Variants in CFAP65 observed in about 807,000 individuals in gnomAD.
CFAP65 encodes the protein cilia- and flagella-associated protein 65.
In CFAP65, 155 loss-of-function variants were observed where a neutral mutation model predicts 208.0. The ratio of observed to expected loss-of-function variants is 0.75; its 90% CI spans 0.65 to 0.85. The LOEUF is 0.85. CFAP65 is among the 40% of genes least tolerant of loss of function. The probability of loss-of-function intolerance (pLI) is 0.00; values close to 1 mark genes in which losing one functional copy is unlikely to be tolerated. For missense variants in CFAP65, 2,294 were observed against 2,451.3 expected (o/e 0.94, Z 1.36); for synonymous variants, 970 against 986.3 (o/e 0.98, Z 0.31).
intron 28 of CFAP65, 38 bp downstream of exon 28, chr2:219,009,309 T>C (rs757283110): frequency 2.0e-6 from 3 of 1,528,156 alleles, no homozygotes; most frequent in Non-Finnish European, 2.7e-6. Context: ...TTGGGAGCCA[T>C]GCCTCCATCC....
At chr2:219,022,053 G>T (rs998178700) in intron 17 of CFAP65, 118 bp downstream of exon 17, 6 of 1,500,340 alleles carry the variant, frequency 4.0e-6, no homozygotes, top group Non-Finnish European at 5.4e-6. Context: ...GGGGCAGAGG[G>T]CTCCTATCCT....
At chr2:219,014,736 A>ACACACCTGAGAGAAAGCGCACAACG (rs1946731922) in intron 21 of CFAP65, 6 of 150,490 alleles carry the variant, frequency 4.0e-5, no homozygotes, top group Admixed American at 6.6e-5. Context: ...AGTGCCCAAC[A>ACACACCTGAGAGAAAGCGCACAACG]CACACCTGAG....
Position 219,023,340 on chromosome 2 carries a change from G to A in CFAP65, c.2687C>T (p.Ser896Phe), listed in dbSNP as rs757574681. Residue 896 changes from serine (S) to phenylalanine (F), a missense_variant, in exon 16 of 35, where the codon TCC (serine) becomes TTC (phenylalanine). Ser to Phe is a radical substitution (Grantham distance 155, BLOSUM62 -2). Around this residue, in one of 2 missense-constraint regions of CFAP65, gnomAD observed 1,427 missense variants for 1,438.7 expected, o/e 0.99. Coordinates refer to ENST00000341552, the MANE Select transcript of CFAP65 (RefSeq NM_194302.4). ...GCGGAAGGTGAAGGGGCTGGTGGAG[G>A]AGCAGCCCACCCAGGTGGGCTTGAA... Reference protein sequence around the residue: ...LYFKPTWVGCSSTSPFTFRNP... With the variant: ...LYFKPTWVGCFSTSPFTFRNP... 3.1e-6 allele frequency: 5 copies of A among 1,611,020 alleles called. No individual in the cohort carries two copies. In the African/African-American group the frequency reaches 6.7e-5, roughly 22 times the overall value.
chr2:219,008,957 G>A, intron 29 of CFAP65, 90 bp downstream of exon 29: 1 of 1,073,188 alleles, frequency 9.3e-7, no homozygotes, highest in South Asian at 1.4e-5. Context: ...GGTTTGGCCT[G>A]GAGGGCCACC....
At chr2:219,035,727 A>G in intron 4 of CFAP65, 63 bp from the exon 5 acceptor site, 2 of 1,534,792 alleles carry the variant, frequency 1.3e-6, no homozygotes, top group Non-Finnish European at 1.7e-6. Context: ...GGATGCCAAG[A>G]CCCAGAGAAC....
At chr2:219,006,581 C>T in intron 29 of CFAP65, 72 bp from the exon 30 acceptor site, 4 of 1,496,834 alleles carry the variant, frequency 2.7e-6, no homozygotes, top group Non-Finnish European at 3.7e-6. Context: ...TGCCTGTAAT[C>T]CCAGCACTTT....
Position 219,032,625 on chromosome 2 carries a change from G to A in CFAP65, c.543-53C>T. The A allele has an allele frequency of 6.8e-7, 1 of 1,478,982 alleles. No homozygotes were observed. The highest frequency in any genetic ancestry group is 1.2e-5 in the South Asian group (1 of 81,748). 91.6% of individuals were successfully genotyped at this position (1,478,982 alleles called of 1,614,324 possible). On this transcript the variant is annotated intron_variant, in intron 5 of 34. Coordinates refer to ENST00000341552, the MANE Select transcript of CFAP65 (RefSeq NM_194302.4). The surrounding 1 kb of genome is among the most constrained non-coding windows in gnomAD (Gnocchi z 5.5). ...CTCAGATCAGGGCTCAGAACAACTGGAAGAGGCAGGAAACGAGGGAAGCCC... is the reference window on the plus strand; with the variant it reads ...CTCAGATCAGGGCTCAGAACAACTGAAAGAGGCAGGAAACGAGGGAAGCCC...
At chr2:219,025,692 C>G (rs1012162483) in intron 14 of CFAP65, among the ~76,000 whole-genome samples, 4 of 152,132 alleles carry the variant, frequency 2.6e-5, no homozygotes, top group African/African-American at 9.7e-5. Context: ...ACTTGGGGCA[C>G]CCAGGCATTC....
At chr2:219,019,417 T>A in intron 20 of CFAP65, 89 bp downstream of exon 20, 1 of 1,226,550 alleles carries the variant, frequency 8.2e-7, no homozygotes, top group South Asian at 1.5e-5. Context: ...AACAGCTTCC[T>A]TGTTCTGGGA....
chr2:219,034,308 A>C (rs571890990), intron 5 of CFAP65: 7 of 152,362 alleles, frequency 4.6e-5, no homozygotes, highest in African/African-American at 1.7e-4. Context: ...TAGCCAAGAC[A>C]ATCTTGAAGA....
chr2:219,005,507 A>AT lies in CFAP65; in HGVS notation c.4977dup (p.Ser1660IlefsTer3), dbSNP rs770378031. The AT allele has an allele frequency of 6.8e-6, 11 of 1,612,972 alleles. No homozygotes were observed. The highest frequency in any genetic ancestry group is 6.7e-5 in the Admixed American group (4 of 59,970). The stretch of plus-strand genomic sequence containing the variant: ...GAAACAGGGCCCCACTTGTTAGGGG[A>AT]TTTTTCCTCAGAAGTCTCTGACTCT... On this transcript the variant is annotated frameshift_variant, in exon 32 of 35. Transcript: ENST00000341552. LOFTEE classifies it high-confidence loss of function.
Position 219,031,080 on chromosome 2 carries a change from G to A in CFAP65, c.1015+26C>T, listed in dbSNP as rs753099245. Reference sequence around the variant, plus strand: ...CAGAAGGTGCAGGAGGGGCCAGTCTGGGGACGGTGGGAGGTTGGGCCTCAC... The same window carrying A: ...CAGAAGGTGCAGGAGGGGCCAGTCTAGGGACGGTGGGAGGTTGGGCCTCAC... On this transcript the variant is annotated intron_variant, in intron 8 of 34. Transcript: ENST00000341552. The surrounding 1 kb of genome is among the most constrained non-coding windows in gnomAD (Gnocchi z 5.2). The A allele has an allele frequency of 1.9e-6, 3 of 1,563,262 alleles. No individual in the cohort carries two copies. The African/African-American group carries it at 4.1e-5, about 21-fold the overall frequency.
chr2:219,002,919 G>A lies in CFAP65; in HGVS notation c.*18C>T, dbSNP rs1462103471. 5.1e-6 allele frequency: 8 copies of A among 1,559,522 alleles called. No individual in the cohort carries two copies. The highest frequency in any genetic ancestry group is 6.1e-6 in the Non-Finnish European group (7 of 1,150,320). On this transcript the variant is annotated 3_prime_UTR_variant, in exon 35 of 35. Transcript: ENST00000341552. This position sits in a 1 kb window ranked among gnomAD's most constrained non-coding sequence, Gnocchi z 7.9. ...GCGTGACCCCTAGCGGCATGTCGGA[G>A]AGGCTGGGCGCGGGCATTTACGGAA...
chr2:219,016,363 C>T (rs1203365699), intron 21 of CFAP65, among the ~76,000 whole-genome samples: 2 of 139,762 alleles, frequency 1.4e-5, no homozygotes, highest in Non-Finnish European at 3.0e-5. Flanking sequence ...GGTGCAATCT[C>T]GGCTCACTGC....
chr2:219,028,895 C>T (rs1180401188), intron 11 of CFAP65, among the ~76,000 whole-genome samples: 1 of 152,212 alleles, frequency 6.6e-6, no homozygotes, highest in Non-Finnish European at 1.5e-5. Flanking sequence ...GGCACCAGCT[C>T]AGGGAGGGAT....
Position 219,031,504 on chromosome 2 carries a change from C to T in CFAP65, c.800G>A (p.Cys267Tyr), listed in dbSNP as rs748717245. The part of the protein sequence containing the change: ...AVGDTTEAFF[C>Y]LDNVGDLPTF... Reference sequence around the variant, plus strand: ...TCTTCCTCACCCCACATTATCCAGGCAGAAAAAGGCCTCAGTCGTATCTCC... The same window carrying T: ...TCTTCCTCACCCCACATTATCCAGGTAGAAAAAGGCCTCAGTCGTATCTCC... The change falls in exon 7 of 35, where the codon TGC (cysteine) becomes TAC (tyrosine). Residue 267 changes from cysteine to tyrosine, a missense_variant. Cys to Tyr is a radical substitution (Grantham distance 194). Coordinates refer to ENST00000341552, the MANE Select transcript of CFAP65 (RefSeq NM_194302.4). This position sits in a 1 kb window ranked among gnomAD's most constrained non-coding sequence, Gnocchi z 5.2. The T allele has an allele frequency of 6.0e-5, 97 of 1,614,100 alleles. No homozygotes were observed. The highest frequency in any genetic ancestry group is 7.9e-5 in the Non-Finnish European group (93 of 1,180,038).
chr2:219,011,292 T>TTTTTTTTTC (rs1946466366), intron 24 of CFAP65, among the ~76,000 whole-genome samples: 1 of 141,652 alleles, frequency 7.1e-6, no homozygotes, highest in South Asian at 2.2e-4. Context: ...TTTTTTTTTT[T>TTTTTTTTTC]GAGACAAGGT....
chr2:219,028,153 C>T, intron 12 of CFAP65, 48 bp downstream of exon 12: 2 of 1,599,614 alleles, frequency 1.3e-6, no homozygotes, highest in East Asian at 2.2e-5. Context: ...CATGGGATTG[C>T]CCAAGAATCA....
intron 13 of CFAP65, chr2:219,027,380 A>T: frequency 6.8e-7 from 1 of 1,468,392 alleles, no homozygotes; most frequent in Non-Finnish European, 9.0e-7. Context: ...CTCCCTGTGC[A>T]CCCAGTTTTC....
Sources: allele counts gnomAD v4.1 joint callset (sites outside exome capture counted in the v4.1 genomes callset), GRCh38; gene constraint gnomAD v4.1.1; regional missense constraint gnomAD v4.1.1; non-coding constraint Gnocchi (gnomAD v3.1); transcripts MANE v1.5; gene names NCBI Gene and HGNC (gene_info 2026-07-23, HGNC 2026-07-21).